The following PCDHGA3 variants were observed in gnomAD, a reference collection of about 807,000 sequenced individuals.
PCDHGA3 encodes the protein protocadherin gamma subfamily A, 3, also known as protocadherin gamma-A3.
In PCDHGA3, 40 loss-of-function variants were observed where a neutral mutation model predicts 58.5. The observed-to-expected ratio is 0.68, with a 90% confidence interval of 0.53 to 0.89. The LOEUF (loss-of-function observed/expected upper bound fraction) is 0.89. Ranked by LOEUF, PCDHGA3 falls within the 40% of genes least tolerant of loss-of-function variation. The pLI is 0.00. For synonymous variants in PCDHGA3, 530 were observed against 525.7 expected, an observed-to-expected ratio of 1.01 and a Z score of -0.11; for missense variants, 1,223 against 1,195.9, an observed-to-expected ratio of 1.02 and a Z score of -0.33.
At chr5:141,351,106 A>C (rs1258132619) in intron 1 of PCDHGA3, 1 of 1,614,066 alleles carries the variant, frequency 6.2e-7, no homozygotes, top group East Asian at 2.2e-5. Flanking sequence ...TCAATTCCCC[A>C]ATAAGTACCA....
intron 1 of PCDHGA3, among the ~76,000 whole-genome samples, chr5:141,425,410 A>G (rs1283299220): frequency 2.0e-5 from 3 of 152,240 alleles, no homozygotes; most frequent in African/African-American, 7.2e-5. Flanking sequence ...TTAAGGTATA[A>G]CATATAGTCC....
rs111458813 is a variant in PCDHGA3 at position 141,483,648 on chromosome 5, TTG to T, written c.2425-11139_2425-11138del. Among the ~76,000 whole-genome samples, 82 of 149,502 alleles carry T rather than the reference TTG, an allele frequency of 5.5e-4. 1 individual carries two copies. The highest frequency in any genetic ancestry group is 2.5e-3 in the Admixed American group (37 of 14,990). Reference sequence around the variant, plus strand: ...GGAGAAGGTATAGAGGGGTGTGTGTTTGTGTGTGTGTGTGTGTGTGTAAAAGA... The same window carrying T: ...GGAGAAGGTATAGAGGGGTGTGTGTTTGTGTGTGTGTGTGTGTGTAAAAGA... On this transcript the variant is annotated intron_variant, in intron 1 of 3. Transcript: ENST00000253812.
chr5:141,449,718 G>A (rs2098653155), intron 1 of PCDHGA3, among the ~76,000 whole-genome samples: 2 of 150,760 alleles, frequency 1.3e-5, no homozygotes, highest in Admixed American at 6.6e-5. Flanking sequence ...ATTTTTATAT[G>A]ATATGATTTT....
At chr5:141,421,320 G>T (rs1561793188) in intron 1 of PCDHGA3, 2 of 1,613,786 alleles carry the variant, frequency 1.2e-6, no homozygotes, top group Non-Finnish European at 1.7e-6. Flanking sequence ...GGGCCAGGCA[G>T]ATCCGATATT....
At position 141,476,124 on chromosome 5, in the gene PCDHGA3, C is replaced by T. The variant is rs1187643558; in HGVS notation, c.2425-18683C>T. 4 of 1,603,236 alleles carry T rather than the reference C, an allele frequency of 2.5e-6. No homozygotes were observed. Among genetic ancestry groups the T allele is most frequent in the Non-Finnish European group, 3.4e-6 (4 of 1,176,388 alleles). ...GAACTGCTTTTGAGTGAGATGGTCCCAGAGGCCTGGAGGAGCGGACTGGTA... is the reference window on the plus strand; with the variant it reads ...GAACTGCTTTTGAGTGAGATGGTCCTAGAGGCCTGGAGGAGCGGACTGGTA... On this transcript the variant is annotated intron_variant, in intron 1 of 3. Transcript: ENST00000253812. This position sits in a 1 kb window ranked among gnomAD's most constrained non-coding sequence, Gnocchi z 7.6.
chr5:141,371,174 C>T (rs777820402), intron 1 of PCDHGA3: 1 of 1,613,994 alleles, frequency 6.2e-7, no homozygotes, highest in Middle Eastern at 1.6e-4. Flanking sequence ...CTGGCTCCTC[C>T]GTATTAAAAG....
rs80129508 is a variant in PCDHGA3 at position 141,369,299 on chromosome 5, C to T, written c.2424+22842C>T. Among the ~76,000 whole-genome samples the T allele has an allele frequency of 3.7e-4, 56 of 152,230 alleles. No homozygotes were observed. In the East Asian group the frequency reaches 0.011, roughly 29 times the overall value. On this transcript the variant is annotated intron_variant, in intron 1 of 3. Coordinates refer to ENST00000253812, the MANE Select transcript of PCDHGA3 (RefSeq NM_018916.4). ...TCACTCCCCAATCCTAATAACGCAT[C>T]ATTGTTAGGCTACTTGAGAAGAAAC...
At chr5:141,430,906 C>A (rs764039566) in intron 1 of PCDHGA3, 2 of 1,606,932 alleles carry the variant, frequency 1.2e-6, no homozygotes, top group Non-Finnish European at 1.7e-6. Flanking sequence ...GCGACATCTC[C>A]AGGGACCTGG....
chr5:141,344,976 T>C lies in PCDHGA3; in HGVS notation c.943T>C (p.Tyr315His). ...TCTAGATTATGAGGATGCCATGTTC[T>C]ATGAAATTAAAATTGAAGCACAGGA... ...KSLDYEDAMF[Y>H]EIKIEAQDGP... is the part of the protein sequence containing the mutation. Residue 315 changes from tyrosine to histidine, a missense_variant, in exon 1 of 4, where the codon TAT becomes CAT. By Grantham distance (83) the Tyr-to-His change is moderately conservative. Around this residue, in one of 3 missense-constraint regions of PCDHGA3, gnomAD observed 791 missense variants for 708.5 expected, o/e 1.12. Coordinates refer to ENST00000253812, the MANE Select transcript of PCDHGA3 (RefSeq NM_018916.4). The C allele has an allele frequency of 6.2e-7, 1 of 1,613,898 alleles. No individual in the cohort carries two copies. The highest frequency in any genetic ancestry group is 8.5e-7 in the Non-Finnish European group (1 of 1,179,800).
chr5:141,476,236 AAG>A lies in PCDHGA3; in HGVS notation c.2425-18565_2425-18564del. ...TCATTCACTATGAGATCCCGGAGGA[AAG>A]AGAGAAGGGTTTCGCTGTGGGCAAC... is the stretch of plus-strand genomic sequence containing the variant. On this transcript the variant is annotated intron_variant, in intron 1 of 3. Transcript: ENST00000253812. The surrounding 1 kb of genome is among the most constrained non-coding windows in gnomAD (Gnocchi z 7.6). 2.5e-6 allele frequency: 4 copies of A among 1,613,980 alleles called. No individual in the cohort carries two copies. Among genetic ancestry groups the A allele is most frequent in the Non-Finnish European group, 3.4e-6 (4 of 1,180,004 alleles).
intron 1 of PCDHGA3, chr5:141,364,724 C>A (rs772314048): frequency 6.2e-7 from 1 of 1,613,892 alleles, no homozygotes. Context: ...TAACTTCCCG[C>A]GTTTCCGGGA....
intron 1 of PCDHGA3, among the ~76,000 whole-genome samples, chr5:141,382,275 G>A (rs192196334): frequency 6.6e-6 from 1 of 152,264 alleles, no homozygotes; most frequent in African/African-American, 2.4e-5. Context: ...GAACATATGT[G>A]TTCAATTAAT....
rs1312691474 is a variant in PCDHGA3, at chr5:141,362,295, G to C, written c.2424+15838G>C. The C allele has an allele frequency of 6.2e-6, 10 of 1,614,062 alleles. No homozygotes were observed. The East Asian group carries it at 2.2e-4, about 36-fold the overall frequency. On this transcript the variant is annotated intron_variant, in intron 1 of 3. Coordinates refer to ENST00000253812, the MANE Select transcript of PCDHGA3 (RefSeq NM_018916.4). ...CCCTGCGCCTGCGACTCTCTTCCAG[G>C]TCAGATGCTTGGGACTGTTTTCAGC...
At chr5:141,403,167 C>G (rs775617849) in intron 1 of PCDHGA3, 1 of 1,614,026 alleles carries the variant, frequency 6.2e-7, no homozygotes, top group Non-Finnish European at 8.5e-7. Flanking sequence ...AGAGGTAGGA[C>G]GCAGCTTTTC....
intron 1 of PCDHGA3, chr5:141,418,428 A>G: frequency 6.2e-7 from 1 of 1,613,980 alleles, no homozygotes; most frequent in Non-Finnish European, 8.5e-7. Flanking sequence ...GATGGTGGCA[A>G]ATATCCAGAA....
At chr5:141,406,044 G>A (rs1473314165) in intron 1 of PCDHGA3, among the ~76,000 whole-genome samples, 1 of 151,228 alleles carries the variant, frequency 6.6e-6, no homozygotes, top group Non-Finnish European at 1.5e-5. Flanking sequence ...ATTGGTTGCA[G>A]TGGACTCATA....
intron 1 of PCDHGA3, chr5:141,399,545 C>T (rs978973236): frequency 6.2e-7 from 1 of 1,614,050 alleles, no homozygotes; most frequent in African/African-American, 1.3e-5. Flanking sequence ...GTCTGCGCCT[C>T]GGACCTGGAC....
In PCDHGA3 at chr5:141,511,539, C is replaced by CGAGAT; in HGVS notation, c.*366_*367insGAGAT. 3.0e-6 allele frequency: 1 copy of CGAGAT among 328,342 alleles called. No individual in the cohort carries two copies. Among genetic ancestry groups the CGAGAT allele is most frequent in the South Asian group, 3.2e-5 (1 of 31,708 alleles). 20.3% of individuals were successfully genotyped at this position (328,342 alleles called of 1,614,324 possible). On this transcript the variant is annotated 3_prime_UTR_variant, in exon 4 of 4. Transcript: ENST00000253812. ...CATCCCATGCCTCCCTCCTCCCCAC[C>CGAGAT]CCACTCCAACAGTTCCTCTTTCCCG...
At chr5:141,505,151 G>T (rs2099844154) in intron 2 of PCDHGA3, among the ~76,000 whole-genome samples, 1 of 152,164 alleles carries the variant, frequency 6.6e-6, no homozygotes, top group Non-Finnish European at 1.5e-5. Context: ...GACAGAGTAA[G>T]ACCCTGTCTA....
Sources: gnomAD v4.1 joint callset for allele counts (sites outside exome capture counted in the v4.1 genomes callset) on GRCh38, gnomAD v4.1.1 for gene constraint, gnomAD v4.1.1 regional missense constraint, Gnocchi (gnomAD v3.1) non-coding constraint, MANE v1.5 for transcripts, NCBI Gene and HGNC (gene_info 2026-07-23, HGNC 2026-07-21) for gene names.